The following SPESP1 variants were observed in gnomAD, a reference collection of about 807,000 sequenced individuals.
The protein encoded by SPESP1 is equatorial segment protein.
Under a neutral mutation model 3.1 loss-of-function variants are expected in SPESP1, and 1 was observed. The observed-to-expected ratio is 0.33, with a 90% CI of 0.12 to 1.54. The LOEUF is 1.54. Ranked by LOEUF, SPESP1 falls within the 40% of genes most tolerant of loss-of-function variation. The pLI is 0.38. For synonymous variants in SPESP1, 138 were observed against 150.7 expected (o/e 0.92, Z 0.62); for missense variants, 398 against 410.1 (o/e 0.97, Z 0.26).
At chr15:68,935,639 A>G (rs1362878103) in intron 1 of SPESP1, among the ~76,000 whole-genome samples, 1 of 152,278 alleles carries the variant, frequency 6.6e-6, no homozygotes, top group Non-Finnish European at 1.5e-5. Context: ...AGAAGACACT[A>G]CCCAAGAACA....
chr15:68,939,421 A>T (rs565117589), intron 1 of SPESP1, among the ~76,000 whole-genome samples: 116 of 152,334 alleles, frequency 7.6e-4, no homozygotes, highest in Non-Finnish European at 1.5e-3. Context: ...ATGGAGAAAA[A>T]CAGGTTTTCA....
chr15:68,939,533 G>T (rs1301899565), intron 1 of SPESP1, among the ~76,000 whole-genome samples: 1 of 152,202 alleles, frequency 6.6e-6, no homozygotes, highest in Non-Finnish European at 1.5e-5. Context: ...TGCAAGAGCA[G>T]ACCTGATTAG....
rs1895958995 is a variant in SPESP1, at chr15:68,946,177, G to T, written c.643G>T (p.Gly215Ter). 6.2e-7 allele frequency: 1 copy of T among 1,614,106 alleles called. No individual in the cohort carries two copies. Among genetic ancestry groups the T allele is most frequent in the African/African-American group, 1.3e-5 (1 of 75,018 alleles). Reference sequence around the variant, plus strand: ...TGCGATAGAAAAACCCGAAGAGTTTGGAAAGCACCCAGAGAGTTGGAATAA... The same window carrying T: ...TGCGATAGAAAAACCCGAAGAGTTTTGAAAGCACCCAGAGAGTTGGAATAA... ...ETAIEKPEEFGKHPESWNNDD... is the reference protein window; with the variant it reads ...ETAIEKPEEF The change falls in exon 2 of 2, where the codon GGA (glycine) becomes TGA (stop). Residue 215 changes from glycine (G) to a stop codon, truncating the protein, a stop_gained. Coordinates refer to ENST00000310673, the MANE Select transcript of SPESP1 (RefSeq NM_145658.4). LOFTEE classifies it low-confidence loss of function (END_TRUNC).
intron 1 of SPESP1, among the ~76,000 whole-genome samples, chr15:68,943,957 C>A (rs1322671846): frequency 1.3e-5 from 2 of 152,148 alleles, no homozygotes; most frequent in South Asian, 2.1e-4. Flanking sequence ...AAATACAAAG[C>A]AGTTTTTGAG....
chr15:68,932,573 G>A (rs1567061572), intron 1 of SPESP1, among the ~76,000 whole-genome samples: 1 of 152,100 alleles, frequency 6.6e-6, no homozygotes, highest in Non-Finnish European at 1.5e-5. Flanking sequence ...TGTATTTCTA[G>A]TAGAGACGGG....
Position 68,942,414 on chromosome 15 carries a change from T to C in SPESP1, c.65-3185T>C, listed in dbSNP as rs184686702. 8.8e-3 allele frequency among the ~76,000 whole-genome samples: 1,333 copies of C among 152,248 alleles called. 16 individuals are homozygous for C. The highest frequency in any genetic ancestry group is 0.029 in the African/African-American group (1,210 of 41,566). On this transcript the variant is annotated intron_variant, in intron 1 of 1. Transcript: ENST00000310673. Reference sequence around the variant, plus strand: ...CCTCTTTCTGTCCAATTCTTATGTCTCCAATTATTTTCCCTCATCTAATTG... The same window carrying C: ...CCTCTTTCTGTCCAATTCTTATGTCCCCAATTATTTTCCCTCATCTAATTG...
At chr15:68,934,679 A>G (rs1393931645) in intron 1 of SPESP1, among the ~76,000 whole-genome samples, 1 of 152,138 alleles carries the variant, frequency 6.6e-6, no homozygotes, top group East Asian at 1.9e-4. Context: ...ATATACTTTA[A>G]TCTCTTGATA....
intron 1 of SPESP1, among the ~76,000 whole-genome samples, chr15:68,933,596 C>T (rs1347709356): frequency 1.3e-5 from 2 of 150,984 alleles, no homozygotes; most frequent in African/African-American, 4.9e-5. Flanking sequence ...CGGTGTCTTA[C>T]ACCTGTAATC....
intron 1 of SPESP1, 57 bp from the exon 2 acceptor site, chr15:68,945,542 G>T: frequency 7.5e-7 from 1 of 1,338,210 alleles, no homozygotes; most frequent in Non-Finnish European, 9.8e-7. Context: ...GATTCTGTCA[G>T]TGTGTCATAT....
chr15:68,941,853 A>G (rs547166878), intron 1 of SPESP1, among the ~76,000 whole-genome samples: 13 of 152,264 alleles, frequency 8.5e-5, no homozygotes, highest in African/African-American at 1.9e-4. Context: ...ATGGTTATGT[A>G]TATATATAAT....
intron 1 of SPESP1, among the ~76,000 whole-genome samples, chr15:68,938,248 G>T (rs776519942): frequency 5.9e-5 from 9 of 152,176 alleles, no homozygotes; most frequent in Admixed American, 2.6e-4. Context: ...GATTACAGGC[G>T]TGGGCCACCA....
In SPESP1 at chr15:68,935,902, G is replaced by A. The variant is rs146792720; in HGVS notation, c.64+5185G>A. Among the ~76,000 whole-genome samples, 277 of 152,234 alleles carry A rather than the reference G, an allele frequency of 1.8e-3. 2 individuals are homozygous for A. Among genetic ancestry groups the A allele is most frequent in the African/African-American group, 5.8e-3 (240 of 41,554 alleles). Reference sequence around the variant, plus strand: ...GAAATACAGTACTCCAGCTCAGTTCGTTTTAAAATTTTAACCTTCATAAAA... The same window carrying A: ...GAAATACAGTACTCCAGCTCAGTTCATTTTAAAATTTTAACCTTCATAAAA... On this transcript the variant is annotated intron_variant, in intron 1 of 1. Transcript: ENST00000310673.
intron 1 of SPESP1, among the ~76,000 whole-genome samples, chr15:68,943,864 T>C (rs1228716053): frequency 1.3e-5 from 2 of 152,192 alleles, no homozygotes; most frequent in Admixed American, 1.3e-4. Context: ...TTTTAAGATT[T>C]AGAAATATGC....
chr15:68,942,930 T>TAAGTAC (rs78091875), intron 1 of SPESP1, among the ~76,000 whole-genome samples: 1 of 152,008 alleles, frequency 6.6e-6, no homozygotes, highest in Non-Finnish European at 1.5e-5. Flanking sequence ...ATGCATTTTA[T>TAAGTAC]GAGTTTACAT....
intron 1 of SPESP1, among the ~76,000 whole-genome samples, chr15:68,936,420 G>T (rs1013619504): frequency 2.6e-5 from 4 of 152,180 alleles, no homozygotes; most frequent in Admixed American, 6.5e-5. Flanking sequence ...CAACATAGAT[G>T]ATCTTGAAGA....
Position 68,946,275 on chromosome 15 carries a change from C to T in SPESP1, c.741C>T (p.Asn247=). 6.2e-7 allele frequency: 1 copy of T among 1,614,068 alleles called. No individual in the cohort carries two copies. Among genetic ancestry groups the T allele is most frequent in the Non-Finnish European group, 8.5e-7 (1 of 1,180,020 alleles). Reference sequence around the variant, plus strand: ...AGGCACTTCTTAGTGACACCAGCAACCCAGCATATAGAGAAGATATTGAAG... The same window carrying T: ...AGGCACTTCTTAGTGACACCAGCAATCCAGCATATAGAGAAGATATTGAAG... ...VQQALLSDTS[N]PAYREDIEAS... is the part of the protein sequence containing the mutation. The change falls in exon 2 of 2, where the codon AAC becomes AAT. Residue 247 remains asparagine (N), a synonymous_variant. Coordinates refer to ENST00000310673, the MANE Select transcript of SPESP1 (RefSeq NM_145658.4).
intron 1 of SPESP1, among the ~76,000 whole-genome samples, chr15:68,943,156 GACCAA>G (rs375792186): frequency 5.9e-5 from 9 of 151,664 alleles, no homozygotes; most frequent in African/African-American, 2.2e-4. Context: ...CTCCTCTACT[GACCAA>G]ATTGAGTCCC....
chr15:68,945,037 A>G (rs982043306), intron 1 of SPESP1, among the ~76,000 whole-genome samples: 1 of 152,236 alleles, frequency 6.6e-6, no homozygotes, highest in Non-Finnish European at 1.5e-5. Flanking sequence ...TTCATCATAC[A>G]GATACACTAG....
At chr15:68,934,989 CTCTA>C (rs1289113414) in intron 1 of SPESP1, among the ~76,000 whole-genome samples, 1 of 152,102 alleles carries the variant, frequency 6.6e-6, no homozygotes, top group Non-Finnish European at 1.5e-5. Flanking sequence ...GTCTTTCCCA[CTCTA>C]TCTTTCTCAC....
Sources: gnomAD v4.1 joint callset for allele counts (sites outside exome capture counted in the v4.1 genomes callset) on GRCh38, gnomAD v4.1.1 for gene constraint, MANE v1.5 for transcripts, NCBI Gene and HGNC (gene_info 2026-07-23, HGNC 2026-07-21) for gene names.